IDE: variants seen among roughly 807,000 people sequenced by gnomAD.
IDE encodes the protein insulin-degrading enzyme.
A neutral mutation model predicts 133.2 loss-of-function variants in IDE; 58 were observed. The observed-to-expected ratio is 0.44, with a 90% CI of 0.35 to 0.54. The LOEUF is 0.54. IDE is among the 20% of genes least tolerant of loss of function. The pLI, the probability that IDE is intolerant of heterozygous loss-of-function variation, is 0.00. For synonymous variants in IDE, 396 were observed against 421.3 expected (o/e 0.94, Z 0.73); for missense variants, 981 against 1,234.0 (o/e 0.79, Z 3.07).
intron 1 of IDE, among the ~76,000 whole-genome samples, chr10:92,557,687 C>G (rs943457591): frequency 4.6e-5 from 7 of 151,834 alleles, no homozygotes; most frequent in Non-Finnish European, 8.8e-5. Flanking sequence ...GCCAGGAGTT[C>G]GAGACTAGCC....
At chr10:92,487,540 T>C (rs1035739485) in intron 12 of IDE, among the ~76,000 whole-genome samples, 2 of 152,216 alleles carry the variant, frequency 1.3e-5, no homozygotes, top group African/African-American at 2.4e-5. Context: ...ATATATCTAC[T>C]CTTCCTCTCC....
chr10:92,476,861 T>G (rs932513722), intron 15 of IDE, among the ~76,000 whole-genome samples: 3 of 152,178 alleles, frequency 2.0e-5, no homozygotes, highest in African/African-American at 7.2e-5. Context: ...TCACAGGGCA[T>G]AGTGGCACGT....
At chr10:92,495,995 C>T (rs1004961588) in intron 11 of IDE, among the ~76,000 whole-genome samples, 1 of 152,026 alleles carries the variant, frequency 6.6e-6, no homozygotes, top group Non-Finnish European at 1.5e-5. Context: ...ATGCCTCAGC[C>T]TTCTGAGTAG....
intron 11 of IDE, among the ~76,000 whole-genome samples, chr10:92,492,137 A>C (rs914354922): frequency 2.0e-5 from 3 of 151,638 alleles, no homozygotes; most frequent in Non-Finnish European, 4.4e-5. Context: ...GCGGGTGCCT[A>C]TAGTACCAGC....
chr10:92,558,842 GC>G, intron 1 of IDE: 1 of 151,498 alleles, frequency 6.6e-6, no homozygotes, highest in Non-Finnish European at 1.5e-5. Context: ...TGATCCACCT[GC>G]CTCATCCTCC....
chr10:92,518,999 T>C (rs1037592137), intron 4 of IDE, among the ~76,000 whole-genome samples: 15 of 152,200 alleles, frequency 9.9e-5, no homozygotes, highest in African/African-American at 3.4e-4. Context: ...GGCAAATGTC[T>C]GTGTACCTAC....
At chr10:92,546,495 T>C (rs970025340) in intron 1 of IDE, among the ~76,000 whole-genome samples, 1 of 152,160 alleles carries the variant, frequency 6.6e-6, no homozygotes, top group Non-Finnish European at 1.5e-5. Context: ...ATAGTACCAC[T>C]TGAATACTGG....
chr10:92,524,936 T>C (rs1213599706), intron 4 of IDE, among the ~76,000 whole-genome samples: 1 of 147,070 alleles, frequency 6.8e-6, no homozygotes, highest in Non-Finnish European at 1.5e-5. Context: ...CAAACAAAAA[T>C]ATATACAAAT....
At chr10:92,468,427 G>T (rs1397979424) in intron 19 of IDE, among the ~76,000 whole-genome samples, 1 of 152,120 alleles carries the variant, frequency 6.6e-6, no homozygotes, top group East Asian at 1.9e-4. Flanking sequence ...TTCAATAAAA[G>T]TCTTTGTTAA....
intron 11 of IDE, among the ~76,000 whole-genome samples, chr10:92,501,230 C>T (rs561303789): frequency 6.6e-6 from 1 of 150,674 alleles, no homozygotes; most frequent in African/African-American, 2.4e-5. Context: ...GCATTGGTGG[C>T]ACATGCCTGT....
chr10:92,465,260 G>C (rs7899603), intron 20 of IDE, among the ~76,000 whole-genome samples: 71,791 of 152,010 alleles, frequency 0.47, 18,031 homozygotes, highest in African/African-American at 0.64. Flanking sequence ...TCTAAAACTG[G>C]GAACACTTGC....
intron 15 of IDE, among the ~76,000 whole-genome samples, chr10:92,476,489 TA>T (rs1174244119): frequency 6.6e-6 from 1 of 151,888 alleles, no homozygotes; most frequent in African/African-American, 2.4e-5. Context: ...CCATCTTTTT[TA>T]AAAAATATAT....
At position 92,453,942 on chromosome 10, in the gene IDE, T is replaced by C. The variant is rs1044708967; in HGVS notation, c.*502A>G. ...AGCATTTCACTAATAAAAGATGACA[T>C]TGCTTTATCATCTGCCAAATGTAAT... On this transcript the variant is annotated 3_prime_UTR_variant, in exon 25 of 25. Transcript: ENST00000265986. 3 of 152,296 alleles carry C rather than the reference T, an allele frequency of 2.0e-5. No individual in the cohort carries two copies. The highest frequency in any genetic ancestry group is 7.2e-5 in the African/African-American group (3 of 41,444). The allele number at this position is 152,296 out of a possible 1,614,324, so 9.4% of individuals were successfully genotyped here. A position where few individuals can be genotyped will look rare whatever the true frequency, so the allele number is the denominator to read the frequency against.
At chr10:92,457,516 C>T (rs1845096616) in intron 22 of IDE, among the ~76,000 whole-genome samples, 1 of 152,046 alleles carries the variant, frequency 6.6e-6, no homozygotes, top group African/African-American at 2.4e-5. Flanking sequence ...CCCTTAGTTA[C>T]TACCATGAAT....
intron 4 of IDE, among the ~76,000 whole-genome samples, chr10:92,531,358 G>A (rs375193547): frequency 6.6e-6 from 1 of 152,088 alleles, no homozygotes. Context: ...CATAGCAGAC[G>A]CTATGCATCT....
At chr10:92,503,411 C>T (rs1486481387) in intron 11 of IDE, among the ~76,000 whole-genome samples, 2 of 152,146 alleles carry the variant, frequency 1.3e-5, no homozygotes, top group Non-Finnish European at 2.9e-5. Flanking sequence ...CTCAAGTGAT[C>T]CTCCTCTGCC....
intron 7 of IDE, 69 bp from the exon 8 acceptor site, chr10:92,508,274 TA>T (rs1713316422): frequency 1.7e-6 from 2 of 1,150,530 alleles, no homozygotes; most frequent in Admixed American, 4.0e-5. Flanking sequence ...AGAAAAATTT[TA>T]AAAATTCATA....
intron 5 of IDE, among the ~76,000 whole-genome samples, chr10:92,514,588 C>T (rs1304198830): frequency 2.0e-5 from 3 of 152,074 alleles, no homozygotes; most frequent in East Asian, 1.9e-4. Context: ...GTGCAGACTA[C>T]CACATCCCAC....
At chr10:92,531,713 T>C (rs1336970338) in intron 4 of IDE, 35 bp downstream of exon 4, 1 of 1,441,646 alleles carries the variant, frequency 6.9e-7, no homozygotes, top group East Asian at 2.4e-5. Flanking sequence ...GGCCATGGGT[T>C]TAAATGAGGT....
Sources: gnomAD v4.1 joint callset for allele counts (sites outside exome capture counted in the v4.1 genomes callset) on GRCh38, gnomAD v4.1.1 for gene constraint, MANE v1.5 for transcripts, NCBI Gene and HGNC (gene_info 2026-07-23, HGNC 2026-07-21) for gene names.